Variants in NT5E observed in about 807,000 individuals in gnomAD.
The protein encoded by NT5E is 5'-nucleotidase.
NT5E carries 53 observed loss-of-function variants against 55.1 expected under a neutral mutation model. The observed-to-expected ratio is 0.96, with a 90% CI of 0.77 to 1.21. The LOEUF (loss-of-function observed/expected upper bound fraction) is 1.21, where lower values mean the gene tolerates loss of function less well. NT5E is among the 50% of genes most tolerant of loss of function. The probability of loss-of-function intolerance (pLI) is 0.00; values close to 1 mark genes in which losing one functional copy is unlikely to be tolerated. For missense variants in NT5E, 683 were observed against 724.3 expected (o/e 0.94, Z 0.65); for synonymous variants, 270 against 278.4 (o/e 0.97, Z 0.30).
chr6:85,477,773 A>G (rs1161202623), intron 3 of NT5E, among the ~76,000 whole-genome samples: 1 of 152,222 alleles, frequency 6.6e-6, no homozygotes, highest in East Asian at 1.9e-4. Context: ...TGGGCATTTG[A>G]TAAGAACTGC....
intron 1 of NT5E, among the ~76,000 whole-genome samples, chr6:85,451,977 G>A (rs1252218942): frequency 6.6e-6 from 1 of 152,226 alleles, no homozygotes; most frequent in African/African-American, 2.4e-5. Flanking sequence ...CCCTGCAGCA[G>A]AAATTCCAGC....
Position 85,489,504 on chromosome 6 carries a change from A to C in NT5E, c.1115A>C (p.Asn372Thr). ...NLICDAMINN[N>T]LRHTDEMFWN... ...GTGCTACTGTTGCAGATTAACAACAACCTGAGACACACGGATGAAATGTTC... is the reference window on the plus strand; with the variant it reads ...GTGCTACTGTTGCAGATTAACAACACCCTGAGACACACGGATGAAATGTTC... Residue 372 changes from asparagine (N) to threonine (T), a missense_variant, in exon 6 of 9, where the codon AAC becomes ACC. Asn to Thr is a moderately conservative substitution (Grantham distance 65, BLOSUM62 0). Transcript: ENST00000257770. 1.2e-6 allele frequency: 2 copies of C among 1,612,626 alleles called. No individual in the cohort carries two copies. The highest frequency in any genetic ancestry group is 1.7e-6 in the Non-Finnish European group (2 of 1,178,774).
chr6:85,461,830 T>C (rs942213138), intron 1 of NT5E, among the ~76,000 whole-genome samples: 1 of 152,046 alleles, frequency 6.6e-6, no homozygotes, highest in Non-Finnish European at 1.5e-5. Flanking sequence ...AGAGACACTT[T>C]GTGGAGTTGT....
intron 3 of NT5E, among the ~76,000 whole-genome samples, chr6:85,478,542 C>A (rs1001578072): frequency 6.6e-6 from 1 of 152,174 alleles, no homozygotes; most frequent in Non-Finnish European, 1.5e-5. Context: ...CTGGTTTCCT[C>A]TCAGGCTTAG....
At chr6:85,457,147 C>T (rs1029731105) in intron 1 of NT5E, among the ~76,000 whole-genome samples, 13 of 152,300 alleles carry the variant, frequency 8.5e-5, no homozygotes, top group African/African-American at 2.2e-4. Flanking sequence ...CTTCTACTTC[C>T]GCTTACCGCT....
Position 85,493,931 on chromosome 6 carries a change from G to A in NT5E, c.1652G>A (p.Gly551Glu). ...GAAGGTCGGATCAAGTTTTCCACAG[G>A]AAGTCACTGCCATGGAAGCTTTTCT... is the stretch of plus-strand genomic sequence containing the variant. ...AVEGRIKFST[G>E]SHCHGSFSLI... The change falls in exon 9 of 9, where the codon GGA (glycine) becomes GAA (glutamate). Residue 551 changes from glycine (G) to glutamate (E), a missense_variant. Physicochemically the swap from Gly to Glu is moderately conservative, Grantham distance 98. Transcript: ENST00000257770. The A allele has an allele frequency of 6.2e-7, 1 of 1,614,076 alleles. No individual in the cohort carries two copies. The highest frequency in any genetic ancestry group is 8.5e-7 in the Non-Finnish European group (1 of 1,179,982).
At chr6:85,478,916 C>T (rs1396078593) in intron 3 of NT5E, among the ~76,000 whole-genome samples, 1 of 151,932 alleles carries the variant, frequency 6.6e-6, no homozygotes, top group African/African-American at 2.4e-5. Context: ...AACTCTAATA[C>T]AGGTATTTCA....
At chr6:85,457,120 C>T (rs1769005849) in intron 1 of NT5E, among the ~76,000 whole-genome samples, 1 of 152,142 alleles carries the variant, frequency 6.6e-6, no homozygotes, top group Non-Finnish European at 1.5e-5. Flanking sequence ...TTAATGCTTC[C>T]ACACAGAGGC....
chr6:85,490,074 A>T (rs1769749713), intron 6 of NT5E, among the ~76,000 whole-genome samples: 1 of 152,208 alleles, frequency 6.6e-6, no homozygotes, highest in African/African-American at 2.4e-5. Context: ...AATACTCAAG[A>T]CACTCTTGTA....
chr6:85,476,376 G>T (rs1183834703), intron 3 of NT5E, among the ~76,000 whole-genome samples: 1 of 152,184 alleles, frequency 6.6e-6, no homozygotes, highest in Non-Finnish European at 1.5e-5. Flanking sequence ...AACTCCTCAT[G>T]GGAGGGAGAG....
In NT5E at chr6:85,490,516, A is replaced by C; in HGVS notation, c.1219A>C (p.Thr407Pro). ...TCTGTGACTACCCTCAGGCACAATT[A>C]CCTGGGAGAACCTGGCTGCTGTATT... ...PIDERNNGTI[T>P]WENLAAVLPF... Residue 407 changes from threonine to proline, a missense_variant, in exon 7 of 9, where the codon ACC (threonine) becomes CCC (proline). Thr to Pro is a conservative substitution (Grantham distance 38, BLOSUM62 -1). Transcript: ENST00000257770. 1 of 1,614,186 alleles carries C rather than the reference A, an allele frequency of 6.2e-7. No individual in the cohort carries two copies. Among genetic ancestry groups the C allele is most frequent in the Non-Finnish European group, 8.5e-7 (1 of 1,180,016 alleles).
intron 1 of NT5E, among the ~76,000 whole-genome samples, chr6:85,462,407 T>A (rs374831804): frequency 6.6e-6 from 1 of 152,160 alleles, no homozygotes; most frequent in East Asian, 1.9e-4. Context: ...TGCCAGATTT[T>A]CAGGTGCCCT....
At chr6:85,490,414 C>A in intron 6 of NT5E, 94 bp from the exon 7 acceptor site, 1 of 1,409,292 alleles carries the variant, frequency 7.1e-7, no homozygotes. Context: ...CCATGTCCCC[C>A]TCATTTCTTC....
intron 3 of NT5E, among the ~76,000 whole-genome samples, chr6:85,475,422 A>G (rs1769410500): frequency 6.6e-6 from 1 of 152,214 alleles, no homozygotes; most frequent in African/African-American, 2.4e-5. Context: ...CTTTCCAAGT[A>G]CCATGCATAT....
chr6:85,490,255 G>C (rs1160588159), intron 6 of NT5E, among the ~76,000 whole-genome samples: 1 of 152,194 alleles, frequency 6.6e-6, no homozygotes, highest in Non-Finnish European at 1.5e-5. Flanking sequence ...ATCTAAGACT[G>C]AGCATGGTGA....
At chr6:85,489,358 A>G in intron 5 of NT5E, 136 bp from the exon 6 acceptor site, 1 of 702,528 alleles carries the variant, frequency 1.4e-6, no homozygotes, top group South Asian at 1.5e-5. Context: ...TTCTAATTAT[A>G]GTTGAGAGAT....
chr6:85,485,735 T>A (rs1327442005), intron 4 of NT5E, among the ~76,000 whole-genome samples: 1 of 152,186 alleles, frequency 6.6e-6, no homozygotes, highest in Non-Finnish European at 1.5e-5. Flanking sequence ...ACAGGAGAGA[T>A]AACTGAACTA....
intron 1 of NT5E, among the ~76,000 whole-genome samples, chr6:85,459,936 ATTAG>A (rs1215334490): frequency 1.3e-5 from 2 of 152,232 alleles, no homozygotes; most frequent in Non-Finnish European, 2.9e-5. Context: ...ATACCTTGCA[ATTAG>A]TTAGGCATGA....
intron 3 of NT5E, among the ~76,000 whole-genome samples, chr6:85,484,478 C>T (rs1769609085): frequency 6.6e-6 from 1 of 152,196 alleles, no homozygotes; most frequent in Non-Finnish European, 1.5e-5. Flanking sequence ...GCTCCCACAT[C>T]TCCCCTTTGA....
Sources: gnomAD v4.1 joint callset for allele counts (sites outside exome capture counted in the v4.1 genomes callset) on GRCh38, gnomAD v4.1.1 for gene constraint, MANE v1.5 for transcripts, NCBI Gene and HGNC (gene_info 2026-07-23, HGNC 2026-07-21) for gene names.